DAGLB: variants seen among roughly 807,000 people sequenced by gnomAD.
The protein encoded by DAGLB is diacylglycerol lipase-beta.
A neutral mutation model predicts 72.1 loss-of-function variants in DAGLB; 66 were observed. That is an observed-to-expected ratio of 0.92 (90% confidence interval 0.75 to 1.12). The LOEUF (loss-of-function observed/expected upper bound fraction) is 1.12, where lower values mean the gene tolerates loss of function less well. DAGLB is among the 50% of genes most tolerant of loss of function. The pLI, the probability that DAGLB is intolerant of heterozygous loss-of-function variation, is 0.00. For synonymous variants in DAGLB, 414 were observed against 359.5 expected (o/e 1.15, Z -1.71); for missense variants, 1,065 against 884.9 (o/e 1.20, Z -2.58).
chr7:6,447,915 G>C lies in DAGLB; in HGVS notation c.-73C>G, dbSNP rs141292213. ...CACCGAGAACAAACCAGCACCCTCC[G>C]GACGCCGCCACCAAATTATCGGCGC... On this transcript the variant is annotated 5_prime_UTR_variant, in exon 1 of 15. Transcript: ENST00000297056. 1.6e-3 allele frequency: 2,370 copies of C among 1,482,402 alleles called. 13 individuals carry two copies. In the Middle Eastern group the frequency reaches 0.031, roughly 20 times the overall value. 91.8% of individuals were successfully genotyped at this position (1,482,402 alleles called of 1,614,324 possible). A position where few individuals can be genotyped will look rare whatever the true frequency, so the allele number is the denominator to read the frequency against.
chr7:6,418,406 AAAAT>A (rs1783988087), intron 9 of DAGLB, among the ~76,000 whole-genome samples: 1 of 152,032 alleles, frequency 6.6e-6, no homozygotes. Context: ...TAAAAGAAAA[AAAAT>A]AAAGCCATTC....
rs943973363 is a variant in DAGLB, at chr7:6,413,138, T to A, written c.1428-104A>T. Reference sequence around the variant, plus strand: ...CACTGAGGGGTTAGGTTCCCAGGCCTCAGCTCTGTTCTCTCTTCTCTAAAG... The same window carrying A: ...CACTGAGGGGTTAGGTTCCCAGGCCACAGCTCTGTTCTCTCTTCTCTAAAG... On this transcript the variant is annotated intron_variant, in intron 11 of 14. Coordinates refer to ENST00000297056, the MANE Select transcript of DAGLB (RefSeq NM_139179.4). The A allele has an allele frequency of 5.9e-6, 7 of 1,190,970 alleles. No homozygotes were observed. In the African/African-American group the frequency reaches 9.1e-5, roughly 16 times the overall value. 73.8% of individuals were successfully genotyped at this position (1,190,970 alleles called of 1,614,324 possible).
At chr7:6,436,341 A>T in intron 3 of DAGLB, 21 bp downstream of exon 3, 1 of 1,586,664 alleles carries the variant, frequency 6.3e-7, no homozygotes, top group Non-Finnish European at 8.6e-7. Context: ...TGAAACTCAA[A>T]GAGAAGAAGG....
chr7:6,430,283 G>A (rs55681322), intron 6 of DAGLB, among the ~76,000 whole-genome samples, 197 bp downstream of exon 6: 20 of 56,172 alleles, frequency 3.6e-4, no homozygotes, highest in African/African-American at 8.0e-4. Flanking sequence ...ATATATATAT[G>A]CAGGGGGGAG....
At chr7:6,419,608 G>A (rs1046383656) in intron 9 of DAGLB, among the ~76,000 whole-genome samples, 6 of 152,304 alleles carry the variant, frequency 3.9e-5, no homozygotes, top group Admixed American at 3.3e-4. Context: ...CAGCCTTCCC[G>A]ACCCAAGGGA....
Position 6,447,831 on chromosome 7 carries a change from C to A in DAGLB, c.12G>T (p.Met4Ile), listed in dbSNP as rs140258530. The change falls in exon 1 of 15, where the codon ATG (methionine) becomes ATT (isoleucine). Residue 4 changes from methionine to isoleucine, a missense_variant. Met to Ile is a conservative substitution (Grantham distance 10). Coordinates refer to ENST00000297056, the MANE Select transcript of DAGLB (RefSeq NM_139179.4). ...TGGCCCAGCGCCGGCCGAAGAGTAC[C>A]ATCCCCGGCATGGCGAAGGTCCCGT... MPGMVLFGRRWAIA... is the reference protein window; with the variant it reads MPGIVLFGRRWAIA... 2.5e-5 allele frequency: 41 copies of A among 1,611,944 alleles called. No homozygotes were observed. The African/African-American group carries it at 4.3e-4, about 17-fold the overall frequency.
At chr7:6,430,693 A>C in intron 5 of DAGLB, 86 bp from the exon 6 acceptor site, 8 of 1,329,642 alleles carry the variant, frequency 6.0e-6, no homozygotes, top group Non-Finnish European at 6.9e-6. Context: ...ACCTGAACTC[A>C]TTCCTGACTC....
At chr7:6,443,535 G>A (rs548766206) in intron 2 of DAGLB, among the ~76,000 whole-genome samples, 17 of 152,232 alleles carry the variant, frequency 1.1e-4, no homozygotes, top group African/African-American at 4.1e-4. Flanking sequence ...CACTCTTGCT[G>A]GTCATCCCAA....
Position 6,434,982 on chromosome 7 carries a change from A to AAT in DAGLB, c.457_458insAT (p.Ile153AsnfsTer124). On this transcript the variant is annotated frameshift_variant, in exon 4 of 15. Transcript: ENST00000297056. LOFTEE classifies it high-confidence loss of function. ...TTTCCCCCCAAGAGGGTCAAAGACA[A>AAT]TGATAATGGAAACCACTGTGGCAGC... 2.5e-6 allele frequency: 4 copies of AAT among 1,614,016 alleles called. No individual in the cohort carries two copies. The highest frequency in any genetic ancestry group is 3.4e-6 in the Non-Finnish European group (4 of 1,180,014).
intron 11 of DAGLB, among the ~76,000 whole-genome samples, chr7:6,414,223 G>C (rs1330398214): frequency 6.6e-6 from 1 of 151,802 alleles, no homozygotes; most frequent in Non-Finnish European, 1.5e-5. Flanking sequence ...TGTTAGCCAG[G>C]ATGGTCTTGA....
At chr7:6,442,185 C>T (rs951426964) in intron 2 of DAGLB, among the ~76,000 whole-genome samples, 2 of 152,162 alleles carry the variant, frequency 1.3e-5, no homozygotes, top group Admixed American at 1.3e-4. Flanking sequence ...GGCCTAGGGT[C>T]TGCTTCTCTG....
At chr7:6,437,520 C>T (rs926305083) in intron 2 of DAGLB, among the ~76,000 whole-genome samples, 1 of 152,172 alleles carries the variant, frequency 6.6e-6, no homozygotes, top group African/African-American at 2.4e-5. Context: ...CAGCCTCCAC[C>T]TCTCAGGCTC....
chr7:6,409,650 GCTA>G lies in DAGLB; in HGVS notation c.*184_*186del. On this transcript the variant is annotated 3_prime_UTR_variant, in exon 15 of 15. Coordinates refer to ENST00000297056, the MANE Select transcript of DAGLB (RefSeq NM_139179.4). ...TCACCTGAGCGTGCTCACTACTTCT[GCTA>G]CCATTATGGCCACAATGACTTCCCA... is the stretch of plus-strand genomic sequence containing the variant. 1.4e-6 allele frequency: 1 copy of G among 719,826 alleles called. No homozygotes were observed. Among genetic ancestry groups the G allele is most frequent in the South Asian group, 1.9e-5 (1 of 53,018 alleles). 44.6% of individuals were successfully genotyped at this position (719,826 alleles called of 1,614,324 possible). A position where few individuals can be genotyped will look rare whatever the true frequency, so the allele number is the denominator to read the frequency against.
chr7:6,410,021 G>A lies in DAGLB; in HGVS notation c.1835C>T (p.Ser612Phe). ...CCACTTGGCGCTATAGTGAGCAGCA[G>A]AGCAGCAGCCAAACCTGAAGCAGAA... The part of the protein sequence containing the change: ...EGASGRFGCC[S>F]AAHYSAKWSH... The change falls in exon 15 of 15, where the codon TCT (serine) becomes TTT (phenylalanine). Residue 612 changes from serine to phenylalanine, a missense_variant. Ser to Phe is a radical substitution (Grantham distance 155). Coordinates refer to ENST00000297056, the MANE Select transcript of DAGLB (RefSeq NM_139179.4). The A allele has an allele frequency of 1.2e-6, 2 of 1,613,628 alleles. No homozygotes were observed. The highest frequency in any genetic ancestry group is 1.7e-6 in the Non-Finnish European group (2 of 1,179,696).
intron 9 of DAGLB, among the ~76,000 whole-genome samples, chr7:6,420,952 T>A (rs73676739): frequency 0.036 from 5,521 of 152,236 alleles, 330 homozygotes; most frequent in African/African-American, 0.13. Context: ...TGGTGCGCAC[T>A]CTCTGCTGCT....
chr7:6,415,923 G>A (rs1350284845), intron 11 of DAGLB, among the ~76,000 whole-genome samples: 1 of 151,910 alleles, frequency 6.6e-6, no homozygotes, highest in Non-Finnish European at 1.5e-5. Context: ...CCCCACCCAG[G>A]GCATATGCCC....
chr7:6,410,885 T>G (rs28463415), intron 13 of DAGLB, among the ~76,000 whole-genome samples: 3 of 143,062 alleles, frequency 2.1e-5, no homozygotes, highest in South Asian at 2.3e-4. Context: ...TTTGTATTTT[T>G]TTTTTTTTTT....
chr7:6,418,703 C>T (rs1310072163), intron 9 of DAGLB, among the ~76,000 whole-genome samples: 5 of 150,948 alleles, frequency 3.3e-5, no homozygotes, highest in Admixed American at 1.3e-4. Flanking sequence ...CTCGCTTTGT[C>T]GCCCAGGCTG....
chr7:6,431,255 G>A (rs1230883140), intron 5 of DAGLB, among the ~76,000 whole-genome samples: 3 of 151,904 alleles, frequency 2.0e-5, no homozygotes, highest in Non-Finnish European at 2.9e-5. Context: ...GGCTTAACCC[G>A]GAGCAGCGAA....
Sources: allele counts gnomAD v4.1 joint callset (sites outside exome capture counted in the v4.1 genomes callset), GRCh38; gene constraint gnomAD v4.1.1; transcripts MANE v1.5; gene names NCBI Gene and HGNC (gene_info 2026-07-23, HGNC 2026-07-21).